ZFHX3: variants seen among roughly 807,000 people sequenced by gnomAD.
The protein encoded by ZFHX3 is zinc finger homeobox protein 3.
A neutral mutation model predicts 279.1 loss-of-function variants in ZFHX3; 42 were observed. The observed-to-expected ratio is 0.15, with a 90% CI of 0.12 to 0.19. ZFHX3 has a LOEUF of 0.19. Among genes scored for constraint, ZFHX3 ranks in the 10% least tolerant of loss-of-function variants. The pLI is 1.00. For synonymous variants in ZFHX3, 2,293 were observed against 1,957.8 expected, an observed-to-expected ratio of 1.17 and a Z score of -4.52; for missense variants, 4,981 against 4,754.0, an observed-to-expected ratio of 1.05 and a Z score of -1.40.
intron 1 of ZFHX3, among the ~76,000 whole-genome samples, chr16:73,682,904 AAGAGAAAGAAAGAGAGAAAG>A (rs1567550563): frequency 0.029 from 1,282 of 43,710 alleles, 9 homozygotes; most frequent in African/African-American, 0.038. Flanking sequence ...GAAAGAAAGA[AAGAGAAAGAAAGAGAGAAAG>A]AGAAAGAAAG....
chr16:73,807,829 TAA>T, intron 1 of ZFHX3, among the ~76,000 whole-genome samples: 1 of 151,902 alleles, frequency 6.6e-6, no homozygotes, highest in Non-Finnish European at 1.5e-5. Context: ...CGCGGGACTC[TAA>T]TGTCTTTTTT....
chr16:73,874,732 T>A (rs564995744), intron 1 of ZFHX3, among the ~76,000 whole-genome samples: 3 of 152,312 alleles, frequency 2.0e-5, no homozygotes, highest in South Asian at 4.1e-4. Flanking sequence ...AAGTACACAG[T>A]GAAAAGAAAA....
rs572611312 is a variant in ZFHX3 at position 73,403,268 on chromosome 16, G to A, written c.-1291+52735C>T. Among the ~76,000 whole-genome samples, 94 of 152,310 alleles carry A rather than the reference G, an allele frequency of 6.2e-4. 1 individual carries two copies. Among genetic ancestry groups the A allele is most frequent in the Non-Finnish European group, 5.7e-4 (39 of 68,022 alleles). ...GGGGGACGTGATGGAGTGAAACACC[G>A]AGGGCTGCGATTCCCCTGCTTGATG... On this transcript the variant is annotated intron_variant, in intron 3 of 17. Coordinates refer to the ZFHX3 transcript ENST00000641206.
At chr16:73,333,210 C>T (rs938794755) in intron 3 of ZFHX3, among the ~76,000 whole-genome samples, 3 of 151,972 alleles carry the variant, frequency 2.0e-5, no homozygotes, top group African/African-American at 4.8e-5. Context: ...GACACATAGA[C>T]ACACAGATAC....
At chr16:72,895,931 A>G (rs2038889231) in intron 3 of ZFHX3, among the ~76,000 whole-genome samples, 2 of 152,256 alleles carry the variant, frequency 1.3e-5, no homozygotes, top group African/African-American at 4.8e-5. Flanking sequence ...AGCACCTGCA[A>G]AAGACTGGAT....
intron 3 of ZFHX3, among the ~76,000 whole-genome samples, chr16:73,441,706 T>C (rs2143538353): frequency 6.6e-6 from 1 of 152,272 alleles, no homozygotes; most frequent in East Asian, 1.9e-4. Flanking sequence ...AGTGACAACA[T>C]GTATCTTCTC....
chr16:72,902,359 G>T (rs564226712), intron 3 of ZFHX3, among the ~76,000 whole-genome samples: 1 of 152,154 alleles, frequency 6.6e-6, no homozygotes, highest in Non-Finnish European at 1.5e-5. Context: ...TCAATAGCCC[G>T]GACCAGCTTA....
chr16:73,428,103 A>G (rs1183735256), intron 3 of ZFHX3, among the ~76,000 whole-genome samples: 1 of 152,162 alleles, frequency 6.6e-6, no homozygotes, highest in Non-Finnish European at 1.5e-5. Flanking sequence ...GCCAGGAATG[A>G]AAGGACAGAA....
intron 5 of ZFHX3, among the ~76,000 whole-genome samples, chr16:73,246,220 T>C (rs1325014951): frequency 2.0e-5 from 3 of 151,900 alleles, no homozygotes; most frequent in Non-Finnish European, 4.4e-5. Flanking sequence ...AGCCGAGGCA[T>C]TATGAGCCAG....
intron 1 of ZFHX3, among the ~76,000 whole-genome samples, chr16:73,783,954 C>T (rs1228120766): frequency 6.6e-6 from 1 of 152,078 alleles, no homozygotes; most frequent in Admixed American, 6.6e-5. Context: ...AGAACAGGAA[C>T]CTGTCAAACC....
intron 1 of ZFHX3, among the ~76,000 whole-genome samples, chr16:73,038,566 T>G (rs1400360660): frequency 6.6e-6 from 1 of 152,202 alleles, no homozygotes; most frequent in Non-Finnish European, 1.5e-5. Flanking sequence ...CAGAACATCA[T>G]GGTGAAATCG....
chr16:72,995,475 G>A (rs892898448), intron 1 of ZFHX3, among the ~76,000 whole-genome samples: 4 of 152,122 alleles, frequency 2.6e-5, no homozygotes, highest in Non-Finnish European at 4.4e-5. Flanking sequence ...AAATTAAACC[G>A]CTGGCACAAA....
rs115637410 is a variant in ZFHX3, at chr16:73,172,104, C to G, written c.-1103-28273G>C. Reference sequence around the variant, plus strand: ...TCCTCCACCCGCCTGCCGGGTCCTTCAGGAAGAGTGAAATGGTCCATTGAT... The same window carrying G: ...TCCTCCACCCGCCTGCCGGGTCCTTGAGGAAGAGTGAAATGGTCCATTGAT... On this transcript the variant is annotated intron_variant, in intron 5 of 17. Transcript: ENST00000641206. Among the ~76,000 whole-genome samples, 581 of 152,298 alleles carry G rather than the reference C, an allele frequency of 3.8e-3. 6 individuals carry two copies. Among genetic ancestry groups the G allele is most frequent in the African/African-American group, 0.014 (564 of 41,570 alleles).
chr16:73,686,849 A>G (rs1182964827), intron 1 of ZFHX3, among the ~76,000 whole-genome samples: 1 of 151,710 alleles, frequency 6.6e-6, no homozygotes, highest in Non-Finnish European at 1.5e-5. Flanking sequence ...GGAAAGGAGC[A>G]TAACACAGCC....
At chr16:73,874,007 T>A (rs2029880739) in intron 1 of ZFHX3, among the ~76,000 whole-genome samples, 2 of 152,102 alleles carry the variant, frequency 1.3e-5, no homozygotes, top group African/African-American at 4.8e-5. Context: ...GTATTGCTAC[T>A]GAAAACAGTC....
At chr16:73,293,246 C>T (rs987967474) in intron 4 of ZFHX3, among the ~76,000 whole-genome samples, 2 of 152,128 alleles carry the variant, frequency 1.3e-5, no homozygotes, top group African/African-American at 4.8e-5. Context: ...ACCAGAGTCA[C>T]AGCTGGTAAA....
chr16:73,019,334 G>C (rs62053238), intron 1 of ZFHX3, among the ~76,000 whole-genome samples: 42 of 121,594 alleles, frequency 3.5e-4, no homozygotes, highest in Non-Finnish European at 5.7e-4. Context: ...GTGCGTGTGT[G>C]TGTCTGTGCG....
At chr16:73,300,114 G>T (rs2015017074) in intron 4 of ZFHX3, among the ~76,000 whole-genome samples, 1 of 152,088 alleles carries the variant, frequency 6.6e-6, no homozygotes, top group Non-Finnish European at 1.5e-5. Flanking sequence ...AAACTAATCA[G>T]CTGGGCATGG....
At chr16:73,057,172 G>A (rs1965573754) in intron 1 of ZFHX3, among the ~76,000 whole-genome samples, 1 of 152,164 alleles carries the variant, frequency 6.6e-6, no homozygotes, top group Non-Finnish European at 1.5e-5. Context: ...AAAGCAACAA[G>A]GGGGAAAAGT....
Sources: allele counts gnomAD v4.1 joint callset (sites outside exome capture counted in the v4.1 genomes callset), GRCh38; gene constraint gnomAD v4.1.1; transcripts MANE v1.5; gene names NCBI Gene and HGNC (gene_info 2026-07-23, HGNC 2026-07-21).